The following ZFP64 variants were observed in gnomAD, a reference collection of about 807,000 sequenced individuals.
ZFP64 encodes the protein zinc finger protein 64.
ZFP64 carries 14 observed loss-of-function variants against 51.6 expected under a neutral mutation model. The ratio of observed to expected loss-of-function variants is 0.27; its 90% confidence interval spans 0.18 to 0.42. The LOEUF (loss-of-function observed/expected upper bound fraction) is 0.42, where lower values mean the gene tolerates loss of function less well. Among genes scored for constraint, ZFP64 ranks in the 10% least tolerant of loss-of-function variants. The probability of loss-of-function intolerance (pLI) is 1.00; values close to 1 mark genes in which losing one functional copy is unlikely to be tolerated. For synonymous variants in ZFP64, 375 were observed against 361.4 expected (o/e 1.04, Z -0.43); for missense variants, 754 against 906.8 (o/e 0.83, Z 2.16).
chr20:52,103,652 A>G (rs914891069), intron 5 of ZFP64, among the ~76,000 whole-genome samples: 2 of 152,160 alleles, frequency 1.3e-5, no homozygotes, highest in African/African-American at 2.4e-5. Context: ...ATTCTCTTCT[A>G]TAAACACCTC....
Position 52,084,792 on chromosome 20 carries a change from G to A in ZFP64, c.1703C>T (p.Ser568Phe), listed in dbSNP as rs1485798607. ...CGTCACGATCTTGGCCACGTGCTGG[G>A]AGCTGCCCTCTCTGAGCCCTTCCTT... Residue 568 changes from serine (S) to phenylalanine (F), a missense_variant, in exon 9 of 9, where the codon TCC becomes TTC. By Grantham distance (155) the Ser-to-Phe change is radical. Transcript: ENST00000361387. 5.6e-6 allele frequency: 9 copies of A among 1,614,206 alleles called. No individual in the cohort carries two copies. The Admixed American group carries it at 1.2e-4, about 21-fold the overall frequency.
chr20:52,108,109 C>T (rs1978359165), intron 5 of ZFP64, among the ~76,000 whole-genome samples: 2 of 152,124 alleles, frequency 1.3e-5, no homozygotes, highest in South Asian at 4.1e-4. Context: ...CACCTATGCT[C>T]CCAGCTACTC....
intron 7 of ZFP64, chr20:52,088,666 A>C: frequency 6.2e-7 from 1 of 1,612,910 alleles, no homozygotes; most frequent in African/African-American, 1.3e-5. Context: ...AAGGAGTCAA[A>C]GTTAAAGGTT....
chr20:52,175,870 GCCCCCA>G, intron 2 of ZFP64: 3 of 346,448 alleles, frequency 8.7e-6, no homozygotes, highest in Middle Eastern at 1.5e-3. Flanking sequence ...TGCCGCCCCC[GCCCCCA>G]AAATAATTCA....
intron 7 of ZFP64, among the ~76,000 whole-genome samples, chr20:52,094,660 G>A (rs940994666): frequency 3.3e-5 from 5 of 152,164 alleles, no homozygotes; most frequent in African/African-American, 1.2e-4. Context: ...TCAAGAAGCA[G>A]AGGCATGAGG....
intron 7 of ZFP64, among the ~76,000 whole-genome samples, chr20:52,091,235 C>T (rs540808473): frequency 2.0e-5 from 3 of 152,256 alleles, no homozygotes; most frequent in East Asian, 3.9e-4. Flanking sequence ...CTGTGGCTCA[C>T]GCCAGTAATC....
intron 7 of ZFP64, among the ~76,000 whole-genome samples, chr20:52,093,560 T>C (rs1261832649): frequency 1.3e-5 from 2 of 152,256 alleles, no homozygotes; most frequent in African/African-American, 4.8e-5. Flanking sequence ...CCTTCAATTA[T>C]GGATGTAGGC....
intron 7 of ZFP64, among the ~76,000 whole-genome samples, chr20:52,090,104 C>T (rs1409184166): frequency 6.6e-6 from 1 of 152,138 alleles, no homozygotes; most frequent in African/African-American, 2.4e-5. Context: ...CAGGATAGAA[C>T]TGAGAAGAAT....
chr20:52,156,306 T>C (rs1194665867), intron 5 of ZFP64, among the ~76,000 whole-genome samples: 1 of 152,106 alleles, frequency 6.6e-6, no homozygotes, highest in Non-Finnish European at 1.5e-5. Flanking sequence ...GCCTCAACCA[T>C]GTCGTTGGGT....
intron 6 of ZFP64, among the ~76,000 whole-genome samples, chr20:52,097,985 A>G (rs1164288565): frequency 6.6e-6 from 1 of 151,930 alleles, no homozygotes; most frequent in African/African-American, 2.4e-5. Context: ...GGAAGATCAC[A>G]TGCACCCAGT....
intron 5 of ZFP64, among the ~76,000 whole-genome samples, chr20:52,112,423 A>G (rs1018039356): frequency 1.3e-5 from 2 of 152,230 alleles, no homozygotes; most frequent in Non-Finnish European, 2.9e-5. Flanking sequence ...GCAAACAAGC[A>G]TGTGTGACCT....
At chr20:52,122,949 A>G (rs1435292572) in intron 5 of ZFP64, among the ~76,000 whole-genome samples, 2 of 152,126 alleles carry the variant, frequency 1.3e-5, no homozygotes, top group Non-Finnish European at 2.9e-5. Flanking sequence ...AGAATATTGC[A>G]TAAACTTAGT....
intron 1 of ZFP64, among the ~76,000 whole-genome samples, chr20:52,190,885 C>T (rs545124522): frequency 6.6e-6 from 1 of 152,230 alleles, no homozygotes; most frequent in Admixed American, 6.5e-5. Flanking sequence ...CCCAGCCCCA[C>T]CCCCGAGATT....
intron 7 of ZFP64, among the ~76,000 whole-genome samples, chr20:52,089,681 T>C (rs2078901484): frequency 6.6e-6 from 1 of 150,522 alleles, no homozygotes; most frequent in Non-Finnish European, 1.5e-5. Flanking sequence ...GAGGTTGAGG[T>C]TGTGAGCACA....
rs558977472 is a variant in ZFP64 at position 52,144,197 on chromosome 20, G to A, written c.763+15926C>T. 1.4e-5 allele frequency among the ~76,000 whole-genome samples: 2 copies of A among 143,042 alleles called. 1 individual carries two copies. The highest frequency in any genetic ancestry group is 4.7e-4 in the South Asian group (2 of 4,264). The allele number at this position is 143,042 out of a possible 152,430, so 93.8% of individuals were successfully genotyped here. A position where few individuals can be genotyped will look rare whatever the true frequency, so the allele number is the denominator to read the frequency against. Reference sequence around the variant, plus strand: ...TAATGGAAAATATATAGCTTTAAATGTTTTTATTACTAAAGACTAAGTGAA... The same window carrying A: ...TAATGGAAAATATATAGCTTTAAATATTTTTATTACTAAAGACTAAGTGAA... On this transcript the variant is annotated intron_variant, in intron 5 of 8. Coordinates refer to the ZFP64 transcript ENST00000361387.
chr20:52,098,723 A>T (rs2079019027), intron 5 of ZFP64: 1 of 1,194,212 alleles, frequency 8.4e-7, no homozygotes, highest in African/African-American at 1.5e-5. Context: ...AAGCCATGTG[A>T]CCAGGCGGGG....
chr20:52,115,884 G>C (rs1978840328), intron 5 of ZFP64, among the ~76,000 whole-genome samples: 1 of 151,924 alleles, frequency 6.6e-6, no homozygotes, highest in Admixed American at 6.6e-5. Context: ...GCCCAGGCTG[G>C]AATGCATTGG....
intron 5 of ZFP64, chr20:52,110,300 C>T: frequency 4.7e-6 from 2 of 424,712 alleles, no homozygotes; most frequent in Non-Finnish European, 8.4e-6. Context: ...TTAACTCTCC[C>T]CTCCCCACCC....
chr20:52,148,565 G>A (rs1398918476), downstream of ZFP64, among the ~76,000 whole-genome samples: 1 of 152,202 alleles, frequency 6.6e-6, no homozygotes, highest in Non-Finnish European at 1.5e-5. Flanking sequence ...GCCAGGTGTG[G>A]TGGCACACGC....
Sources: gnomAD v4.1 joint callset for allele counts (sites outside exome capture counted in the v4.1 genomes callset) on GRCh38, gnomAD v4.1.1 for gene constraint, MANE v1.5 for transcripts, NCBI Gene and HGNC (gene_info 2026-07-23, HGNC 2026-07-21) for gene names.